Variants in TRDN observed in about 807,000 individuals in gnomAD.
TRDN encodes the protein triadin in skeletal muscle.
TRDN carries 161 observed loss-of-function variants against 149.7 expected under a neutral mutation model. The ratio of observed to expected loss-of-function variants is 1.08; its 90% CI spans 0.95 to 1.23. TRDN has a LOEUF of 1.23. Among genes scored for constraint, TRDN ranks in the 50% most tolerant of loss-of-function variants. The pLI is 0.00. For synonymous variants in TRDN, 294 were observed against 250.5 expected, an observed-to-expected ratio of 1.17 and a Z score of -1.64; for missense variants, 896 against 823.5, an observed-to-expected ratio of 1.09 and a Z score of -1.08.
At chr6:123,268,094 A>G (rs1168467920) in intron 31 of TRDN, among the ~76,000 whole-genome samples, 1 of 152,026 alleles carries the variant, frequency 6.6e-6, no homozygotes, top group African/African-American at 2.4e-5. Flanking sequence ...CTTTGGGGAC[A>G]TTTTTAGTGG....
At chr6:123,477,876 A>C (rs2114760006) in intron 9 of TRDN, among the ~76,000 whole-genome samples, 1 of 141,642 alleles carries the variant, frequency 7.1e-6, no homozygotes, top group Non-Finnish European at 1.5e-5. Context: ...ACATGGACAC[A>C]GGAAGGGGAA....
intron 4 of TRDN, among the ~76,000 whole-genome samples, chr6:123,546,097 A>G (rs539123917): frequency 6.6e-6 from 1 of 152,214 alleles, no homozygotes; most frequent in African/African-American, 2.4e-5. Flanking sequence ...AAGCTTGACT[A>G]TGTTCACTCT....
chr6:123,497,320 T>TG, intron 8 of TRDN, 68 bp from the exon 9 acceptor site: 1 of 1,124,534 alleles, frequency 8.9e-7, no homozygotes, highest in Non-Finnish European at 1.2e-6. Flanking sequence ...TACAGAGAAA[T>TG]AATTTAACAA....
chr6:123,223,598 A>G (rs369940868), intron 39 of TRDN, among the ~76,000 whole-genome samples: 1 of 151,824 alleles, frequency 6.6e-6, no homozygotes, highest in East Asian at 2.0e-4. Flanking sequence ...ACATCTGGAG[A>G]TCGCAGGTTT....
chr6:123,300,295 A>G (rs563408091), intron 24 of TRDN, among the ~76,000 whole-genome samples: 1 of 152,140 alleles, frequency 6.6e-6, no homozygotes, highest in African/African-American at 2.4e-5. Context: ...ATCAGTCTGA[A>G]GAAAGCTCAA....
chr6:123,618,806 C>T (rs545292673), intron 1 of TRDN, among the ~76,000 whole-genome samples: 1 of 152,236 alleles, frequency 6.6e-6, no homozygotes, highest in Admixed American at 6.5e-5. Context: ...AGTTGAGAAT[C>T]TGCTTTTTTC....
chr6:123,607,472 T>C (rs1784577975), intron 1 of TRDN, among the ~76,000 whole-genome samples: 1 of 152,178 alleles, frequency 6.6e-6, no homozygotes, highest in Admixed American at 6.5e-5. Context: ...TTTAGAAGAT[T>C]ACTGGGCCTT....
intron 13 of TRDN, among the ~76,000 whole-genome samples, chr6:123,391,758 A>C (rs1039285584): frequency 1.3e-5 from 2 of 152,096 alleles, no homozygotes; most frequent in Non-Finnish European, 2.9e-5. Context: ...AAAATAAATA[A>C]ATGAACAGAT....
chr6:123,517,231 AG>A (rs1779454091), intron 5 of TRDN, among the ~76,000 whole-genome samples: 1 of 152,156 alleles, frequency 6.6e-6, no homozygotes. Context: ...ATGACATTTA[AG>A]AGTATGAGAA....
chr6:123,438,898 T>C (rs1363996513), intron 11 of TRDN, 46 bp downstream of exon 11: 25 of 1,428,954 alleles, frequency 1.7e-5, no homozygotes, highest in Non-Finnish European at 2.1e-5. Context: ...GTATTATGCA[T>C]GGACACTAAT....
intron 4 of TRDN, among the ~76,000 whole-genome samples, chr6:123,540,135 G>A (rs976539511): frequency 3.9e-5 from 6 of 152,138 alleles, no homozygotes; most frequent in African/African-American, 1.2e-4. Context: ...TTCCAAGGGC[G>A]GGGGCCCATT....
intron 12 of TRDN, among the ~76,000 whole-genome samples, chr6:123,404,907 A>G (rs534101407): frequency 6.6e-6 from 1 of 152,336 alleles, no homozygotes; most frequent in Non-Finnish European, 1.5e-5. Context: ...CAGTGTTAAA[A>G]GGAATTATGC....
At chr6:123,520,019 A>T (rs1447648332) in intron 5 of TRDN, among the ~76,000 whole-genome samples, 1 of 152,040 alleles carries the variant, frequency 6.6e-6, no homozygotes. Flanking sequence ...TTAAACCCTT[A>T]AAAAAATTCT....
At chr6:123,373,845 T>C (rs1372280333) in intron 19 of TRDN, among the ~76,000 whole-genome samples, 3 of 152,152 alleles carry the variant, frequency 2.0e-5, no homozygotes, top group Non-Finnish European at 4.4e-5. Flanking sequence ...ATGTGCACCA[T>C]ACTATATGGA....
intron 4 of TRDN, among the ~76,000 whole-genome samples, chr6:123,534,143 T>A (rs1394074739): frequency 6.6e-6 from 1 of 152,092 alleles, no homozygotes; most frequent in South Asian, 2.1e-4. Context: ...TCTCTAGAGC[T>A]CACAATAAAG....
intron 23 of TRDN, among the ~76,000 whole-genome samples, chr6:123,320,399 A>T (rs925789777): frequency 6.6e-6 from 1 of 152,016 alleles, no homozygotes; most frequent in African/African-American, 2.4e-5. Context: ...ATTTTCCCTA[A>T]TACATGATAG....
rs559255239 is a variant in TRDN at position 123,331,654 on chromosome 6, T to A, written c.1471+225A>T. 6.2e-4 allele frequency among the ~76,000 whole-genome samples: 94 copies of A among 152,190 alleles called. 1 individual carries two copies. The highest frequency in any genetic ancestry group is 1.2e-4 in the Non-Finnish European group (8 of 67,950). ...GGAATCAGAATAGCATAAGACTTTT[T>A]AAAATTTTTGCAGTATTTCTGATGC... On this transcript the variant is annotated intron_variant, in intron 23 of 40. Transcript: ENST00000334268.
At chr6:123,424,138 A>G (rs1339700951) in intron 12 of TRDN, among the ~76,000 whole-genome samples, 1 of 152,128 alleles carries the variant, frequency 6.6e-6, no homozygotes, top group Non-Finnish European at 1.5e-5. Context: ...TGAGTTTTTA[A>G]TCATCGTATT....
intron 24 of TRDN, among the ~76,000 whole-genome samples, chr6:123,308,552 C>T (rs534233516): frequency 2.4e-3 from 369 of 151,980 alleles, no homozygotes; most frequent in African/African-American, 8.2e-3. Flanking sequence ...CTGGACCTCT[C>T]GCCTCATAAA....
Sources: gnomAD v4.1 joint callset for allele counts (sites outside exome capture counted in the v4.1 genomes callset) on GRCh38, gnomAD v4.1.1 for gene constraint, MANE v1.5 for transcripts, NCBI Gene and HGNC (gene_info 2026-07-23, HGNC 2026-07-21) for gene names.